L3MBTL3: variants seen among roughly 807,000 people sequenced by gnomAD.
L3MBTL3 encodes lethal(3)malignant brain tumor-like protein 3.
L3MBTL3 carries 27 observed loss-of-function variants against 102.3 expected under a neutral mutation model. That is an observed-to-expected ratio of 0.26 (90% CI 0.19 to 0.36). The LOEUF is 0.36. Among genes scored for constraint, L3MBTL3 ranks in the 10% least tolerant of loss-of-function variants. The pLI is 1.00. For synonymous variants in L3MBTL3, 340 were observed against 320.9 expected, an observed-to-expected ratio of 1.06 and a Z score of -0.64; for missense variants, 798 against 955.3, an observed-to-expected ratio of 0.84 and a Z score of 2.17.
chr6:130,066,322 A>G (rs757994315), intron 10 of L3MBTL3, 31 bp from the exon 11 acceptor site: 10 of 1,340,892 alleles, frequency 7.5e-6, no homozygotes, highest in Admixed American at 2.4e-5. Flanking sequence ...TGAGTTAAAA[A>G]AAATAATTCA....
chr6:130,121,788 A>G (rs1786228939), intron 20 of L3MBTL3, among the ~76,000 whole-genome samples: 1 of 152,208 alleles, frequency 6.6e-6, no homozygotes, highest in Non-Finnish European at 1.5e-5. Flanking sequence ...CATCTTTGTT[A>G]AAAATATATT....
chr6:130,063,389 A>G (rs13208867), intron 10 of L3MBTL3, among the ~76,000 whole-genome samples: 2,963 of 152,264 alleles, frequency 0.019, 52 homozygotes, highest in South Asian at 0.04. Context: ...GTTGGACAGG[A>G]CCATCTAGGA....
intron 13 of L3MBTL3, 104 bp from the exon 14 acceptor site, chr6:130,078,454 G>C: frequency 1.4e-6 from 1 of 725,240 alleles, no homozygotes; most frequent in East Asian, 2.6e-5. Flanking sequence ...GTAATAAATA[G>C]AACTCTCTGT....
intron 14 of L3MBTL3, among the ~76,000 whole-genome samples, chr6:130,082,241 CTG>C (rs1177590915): frequency 6.6e-6 from 1 of 152,156 alleles, no homozygotes; most frequent in Non-Finnish European, 1.5e-5. Context: ...TACTTTGAGA[CTG>C]TGTATCTTGT....
intron 2 of L3MBTL3, among the ~76,000 whole-genome samples, chr6:130,026,963 A>G (rs955307027): frequency 7.2e-5 from 11 of 152,120 alleles, no homozygotes; most frequent in African/African-American, 2.7e-4. Context: ...TGTGGTAGAA[A>G]TGTGTCCTAG....
At chr6:130,040,160 C>G (rs1780330495) in intron 2 of L3MBTL3, among the ~76,000 whole-genome samples, 1 of 151,976 alleles carries the variant, frequency 6.6e-6, no homozygotes, top group Non-Finnish European at 1.5e-5. Flanking sequence ...AACCCTGTCT[C>G]TACTAAAAAT....
At chr6:130,055,515 T>TCC (rs1781421990) in intron 8 of L3MBTL3, among the ~76,000 whole-genome samples, 1 of 103,918 alleles carries the variant, frequency 9.6e-6, no homozygotes, top group Non-Finnish European at 1.9e-5. Context: ...TCCCTGCCTC[T>TCC]CTCCCTGCCT....
At chr6:130,040,187 G>A (rs996668280) in intron 2 of L3MBTL3, among the ~76,000 whole-genome samples, 2 of 152,050 alleles carry the variant, frequency 1.3e-5, no homozygotes, top group African/African-American at 4.8e-5. Context: ...AATTAGTCAG[G>A]TGTGGTGGTG....
intron 2 of L3MBTL3, among the ~76,000 whole-genome samples, chr6:130,036,919 C>T (rs1233062007): frequency 6.6e-6 from 1 of 152,142 alleles, no homozygotes; most frequent in African/African-American, 2.4e-5. Context: ...AAAGAAAGCT[C>T]ACTGTTGGAA....
intron 2 of L3MBTL3, among the ~76,000 whole-genome samples, chr6:130,024,668 G>GGATA (rs1430596370): frequency 1.1e-4 from 16 of 152,218 alleles, no homozygotes; most frequent in Admixed American, 2.0e-4. Flanking sequence ...TCCCAAGGAT[G>GGATA]GATAACTTGA....
chr6:130,103,305 G>T (rs1032146828), intron 18 of L3MBTL3, among the ~76,000 whole-genome samples: 1 of 152,140 alleles, frequency 6.6e-6, no homozygotes, highest in African/African-American at 2.4e-5. Context: ...GTGTAGACTA[G>T]CAGTATTTAA....
At chr6:130,123,779 G>A (rs947886969) in intron 20 of L3MBTL3, among the ~76,000 whole-genome samples, 24 of 152,200 alleles carry the variant, frequency 1.6e-4, no homozygotes, top group African/African-American at 5.5e-4. Context: ...GTAGTTTACT[G>A]GTTGTCTTCA....
intron 14 of L3MBTL3, among the ~76,000 whole-genome samples, chr6:130,081,478 G>A (rs933694300): frequency 1.3e-5 from 2 of 151,670 alleles, no homozygotes. Flanking sequence ...GAGTGCAGTG[G>A]TACAATCTTG....
intron 9 of L3MBTL3, among the ~76,000 whole-genome samples, chr6:130,058,558 G>A (rs1781678258): frequency 6.6e-6 from 1 of 152,148 alleles, no homozygotes; most frequent in Non-Finnish European, 1.5e-5. Flanking sequence ...ACTCCAGCCG[G>A]GACAACAGAG....
At chr6:130,077,801 G>A (rs1454928770) in intron 13 of L3MBTL3, among the ~76,000 whole-genome samples, 1 of 152,166 alleles carries the variant, frequency 6.6e-6, no homozygotes, top group Non-Finnish European at 1.5e-5. Flanking sequence ...AGACCTCCTA[G>A]TTAGTATAGC....
chr6:130,054,997 C>A (rs1781372268), intron 7 of L3MBTL3, 174 bp from the exon 8 acceptor site: 2 of 581,312 alleles, frequency 3.4e-6, no homozygotes, highest in African/African-American at 1.9e-5. Flanking sequence ...TTTGTAATAA[C>A]CTCAGGCCAA....
chr6:130,122,916 GGAGTATTCACTCTTATTA>G (rs1469472687), intron 20 of L3MBTL3, among the ~76,000 whole-genome samples: 1 of 152,102 alleles, frequency 6.6e-6, no homozygotes, highest in Non-Finnish European at 1.5e-5. Flanking sequence ...ATCAGTGGCT[GGAGTATTCACTCTTATTA>G]ATAGTAGTAG....
chr6:130,020,957 G>A (rs1449899078), intron 1 of L3MBTL3, among the ~76,000 whole-genome samples: 1 of 151,676 alleles, frequency 6.6e-6, no homozygotes, highest in Non-Finnish European at 1.5e-5. Flanking sequence ...TAGGTTAGGG[G>A]AAACTGAGAT....
intron 2 of L3MBTL3, among the ~76,000 whole-genome samples, chr6:130,042,352 G>A (rs997227397): frequency 6.6e-6 from 1 of 152,014 alleles, no homozygotes; most frequent in African/African-American, 2.4e-5. Context: ...CTACTTACAG[G>A]CAAGGAATTC....
Sources: allele counts gnomAD v4.1 joint callset (sites outside exome capture counted in the v4.1 genomes callset), GRCh38; gene constraint gnomAD v4.1.1; transcripts MANE v1.5; gene names NCBI Gene and HGNC (gene_info 2026-07-23, HGNC 2026-07-21).